PDK1: variants seen among roughly 807,000 people sequenced by gnomAD.
PDK1 encodes the protein [Pyruvate dehydrogenase (acetyl-transferring)] kinase isozyme 1, mitochondrial.
PDK1 carries 39 observed loss-of-function variants against 54.2 expected under a neutral mutation model. That is an observed-to-expected ratio of 0.72 (90% CI 0.56 to 0.94). The LOEUF is 0.94. Ranked by LOEUF, PDK1 falls within the 40% of genes least tolerant of loss-of-function variation. PDK1 has a pLI of 0.00. For synonymous variants in PDK1, 221 were observed against 207.1 expected, an observed-to-expected ratio of 1.07 and a Z score of -0.58; for missense variants, 552 against 566.0, an observed-to-expected ratio of 0.98 and a Z score of 0.25.
At chr2:172,570,932 G>T in intron 8 of PDK1, 108 bp downstream of exon 8, 4 of 352,830 alleles carry the variant, frequency 1.1e-5, no homozygotes, top group South Asian at 9.6e-5. Flanking sequence ...TCTACTCTCA[G>T]GGGAAAAGAA....
chr2:172,604,238 T>C lies in PDK1; in HGVS notation c.*8269T>C, dbSNP rs13009291. ...CTGGGATTACAGGCGAGCGCCATCA[T>C]GCCTGACTAATTTTCGTATTTTTAG... On this transcript the variant is annotated 3_prime_UTR_variant, in exon 11 of 11. Coordinates refer to ENST00000282077, the MANE Select transcript of PDK1 (RefSeq NM_002610.5). 26,717 of 152,142 alleles carry C rather than the reference T, an allele frequency of 0.18. 2,811 individuals carry two copies. Among genetic ancestry groups the C allele is most frequent in the African/African-American group, 0.28 (11,597 of 41,458 alleles). The allele number at this position is 152,142 out of a possible 1,614,324, so 9.4% of individuals were successfully genotyped here. A position where few individuals can be genotyped will look rare whatever the true frequency, so the allele number is the denominator to read the frequency against.
At chr2:172,569,103 C>G (rs2149224896) in intron 7 of PDK1, among the ~76,000 whole-genome samples, 1 of 152,290 alleles carries the variant, frequency 6.6e-6, no homozygotes, top group African/African-American at 2.4e-5. Flanking sequence ...GCCTCAGTTT[C>G]CTTTTCTGTA....
chr2:172,561,509 GTCGAAGAAAGTAAT>G (rs1337882405), intron 2 of PDK1, among the ~76,000 whole-genome samples: 7 of 152,234 alleles, frequency 4.6e-5, no homozygotes, highest in Non-Finnish European at 1.0e-4. Context: ...CCCTTACACT[GTCGAAGAAAGTAAT>G]TCAGTGGTAG....
the PDK1 span, among the ~76,000 whole-genome samples, chr2:172,706,476 G>A: frequency 6.6e-6 from 1 of 151,340 alleles, no homozygotes. Flanking sequence ...CCAGGCCGGA[G>A]TGCAGTGGCA....
chr2:172,615,683 C>T, the PDK1 span, among the ~76,000 whole-genome samples: 2 of 151,944 alleles, frequency 1.3e-5, no homozygotes, highest in Non-Finnish European at 2.9e-5. Context: ...TAAGTAATAT[C>T]TTATGCAAAA....
In PDK1 at chr2:172,600,370, T is replaced by C. The variant is rs1008020699; in HGVS notation, c.*4401T>C. ...ATGATTATATAACTATAAAATAGGA[T>C]GGGACAGAGAAAAATATGTCTGTAT... On this transcript the variant is annotated 3_prime_UTR_variant, in exon 11 of 11. Coordinates refer to ENST00000282077, the MANE Select transcript of PDK1 (RefSeq NM_002610.5). 4 of 152,204 alleles carry C rather than the reference T, an allele frequency of 2.6e-5. No individual in the cohort carries two copies. Among genetic ancestry groups the C allele is most frequent in the Admixed American group, 2.0e-4 (3 of 15,282 alleles). The allele number at this position is 152,204 out of a possible 1,614,324, so 9.4% of individuals were successfully genotyped here.
chr2:172,685,915 T>C, the PDK1 span, among the ~76,000 whole-genome samples: 1 of 152,242 alleles, frequency 6.6e-6, no homozygotes, highest in Non-Finnish European at 1.5e-5. Context: ...TTTAAATTCC[T>C]GTTTTGCATT....
At chr2:172,569,171 CAGTACAGTGGCAACGTATTACATATA>C (rs1212582504) in intron 7 of PDK1, among the ~76,000 whole-genome samples, 13 of 152,262 alleles carry the variant, frequency 8.5e-5, no homozygotes, top group African/African-American at 3.1e-4. Context: ...ACTAAGTGTC[CAGTACAGTGGCAACGTATTACATATA>C]GGTGCTCAAT....
At chr2:172,663,163 G>A in the PDK1 span, among the ~76,000 whole-genome samples, 6 of 152,240 alleles carry the variant, frequency 3.9e-5, no homozygotes, top group South Asian at 1.0e-3. Flanking sequence ...CCAGGTTTCT[G>A]GTTTCTTCTG....
the PDK1 span, among the ~76,000 whole-genome samples, chr2:172,722,999 T>G: frequency 6.6e-6 from 1 of 152,006 alleles, no homozygotes; most frequent in African/African-American, 2.4e-5. Flanking sequence ...ACTGCTTCCA[T>G]CTGAGCAGTG....
chr2:172,705,544 A>G, the PDK1 span, among the ~76,000 whole-genome samples: 2 of 152,242 alleles, frequency 1.3e-5, no homozygotes, highest in African/African-American at 2.4e-5. Context: ...TGAAAGATCT[A>G]TTACTCAGTT....
Position 172,605,028 on chromosome 2 carries a change from T to G in PDK1, c.*9059T>G, listed in dbSNP as rs1242303610. 4 of 152,198 alleles carry G rather than the reference T, an allele frequency of 2.6e-5. No individual in the cohort carries two copies. Among genetic ancestry groups the G allele is most frequent in the Non-Finnish European group, 5.9e-5 (4 of 68,048 alleles). The allele number at this position is 152,198 out of a possible 1,614,324, so 9.4% of individuals were successfully genotyped here. On this transcript the variant is annotated 3_prime_UTR_variant, in exon 11 of 11. Coordinates refer to ENST00000282077, the MANE Select transcript of PDK1 (RefSeq NM_002610.5). ...ATGCCAGGCTTAACATTCCTGAGGCTCTCAGAGAAAACTTTTCCCTCTATA... is the reference window on the plus strand; with the variant it reads ...ATGCCAGGCTTAACATTCCTGAGGCGCTCAGAGAAAACTTTTCCCTCTATA...
the PDK1 span, among the ~76,000 whole-genome samples, chr2:172,669,391 A>C: frequency 3.3e-5 from 5 of 152,220 alleles, no homozygotes; most frequent in Admixed American, 1.3e-4. Context: ...CATCGTGTAT[A>C]TATAACACAT....
At chr2:172,645,340 G>A in the PDK1 span, among the ~76,000 whole-genome samples, 2 of 122,094 alleles carry the variant, frequency 1.6e-5, no homozygotes, top group African/African-American at 6.2e-5. Flanking sequence ...GCACGATCTC[G>A]GCTCACTGCA....
chr2:172,628,806 C>T, the PDK1 span, among the ~76,000 whole-genome samples: 1 of 152,096 alleles, frequency 6.6e-6, no homozygotes, highest in East Asian at 1.9e-4. Flanking sequence ...GATAAACTTA[C>T]ATTGCCTCTA....
the PDK1 span, among the ~76,000 whole-genome samples, chr2:172,663,968 C>T: frequency 2.7e-5 from 4 of 145,672 alleles, no homozygotes; most frequent in African/African-American, 7.6e-5. Context: ...CCATATGTGG[C>T]TTTTTTTTTT....
chr2:172,566,994 G>T (rs368627721), intron 6 of PDK1, 61 bp downstream of exon 6: 20 of 1,106,910 alleles, frequency 1.8e-5, no homozygotes, highest in South Asian at 1.4e-5. Context: ...TAAGGGATAA[G>T]AATTTAAATG....
At chr2:172,584,796 C>T (rs1443678554) in intron 8 of PDK1, among the ~76,000 whole-genome samples, 1 of 148,040 alleles carries the variant, frequency 6.8e-6, no homozygotes, top group East Asian at 2.0e-4. Flanking sequence ...TTGGGGATTA[C>T]AGGCATGCAC....
At chr2:172,638,964 AC>A in the PDK1 span, among the ~76,000 whole-genome samples, 1 of 152,352 alleles carries the variant, frequency 6.6e-6, no homozygotes, top group Non-Finnish European at 1.5e-5. Context: ...ACATGTAAAA[AC>A]GTCACGACAA....
Sources: gnomAD v4.1 joint callset for allele counts (sites outside exome capture counted in the v4.1 genomes callset) on GRCh38, gnomAD v4.1.1 for gene constraint, MANE v1.5 for transcripts, NCBI Gene and HGNC (gene_info 2026-07-23, HGNC 2026-07-21) for gene names.